Variants in KCNH1 observed in about 807,000 individuals in gnomAD.
KCNH1 encodes the protein potassium voltage-gated channel subfamily H member 1.
Under a neutral mutation model 69.2 loss-of-function variants are expected in KCNH1, and 27 were observed. That is an observed-to-expected ratio of 0.39 (90% CI 0.29 to 0.54). KCNH1 has a LOEUF of 0.54. KCNH1 is among the 20% of genes least tolerant of loss of function. The pLI is 0.68. For synonymous variants in KCNH1, 456 were observed against 487.7 expected (o/e 0.93, Z 0.86); for missense variants, 798 against 1,261.6 (o/e 0.63, Z 5.57).
chr1:211,112,207 T>C (rs1691482380), intron 1 of KCNH1, among the ~76,000 whole-genome samples: 1 of 148,926 alleles, frequency 6.7e-6, no homozygotes, highest in Admixed American at 6.6e-5. Flanking sequence ...CTCCGCCCCG[T>C]CTGGGAAGTG....
At position 211,013,712 on chromosome 1, in the gene KCNH1, G is replaced by A. The variant is rs375293329; in HGVS notation, c.1032+5071C>T. ...TAATACCTGCTCTCAAGCCACAGAA[G>A]GTTAGAGCTGGGATGGGCTCATCAC... On this transcript the variant is annotated intron_variant, in intron 6 of 10. Transcript: ENST00000271751. Among the ~76,000 whole-genome samples the A allele has an allele frequency of 4.6e-5, 7 of 152,302 alleles. No individual in the cohort carries two copies. In the East Asian group the frequency reaches 1.2e-3, roughly 25 times the overall value.
At chr1:210,917,185 A>G (rs1687351838) in intron 7 of KCNH1, among the ~76,000 whole-genome samples, 1 of 138,686 alleles carries the variant, frequency 7.2e-6, no homozygotes, top group African/African-American at 2.7e-5. Context: ...GAGAGAAATA[A>G]AGAGACAGAG....
rs766445117 is a variant in KCNH1 at position 210,684,114 on chromosome 1, C to T, written c.2137G>A (p.Val713Met). The change falls in exon 11 of 11, where the codon GTG (valine) becomes ATG (methionine). Residue 713 changes from valine to methionine, a missense_variant. Around this residue, in one of 4 missense-constraint regions of KCNH1, gnomAD observed 197 missense variants for 407.7 expected, o/e 0.48. Coordinates refer to ENST00000271751, the MANE Select transcript of KCNH1 (RefSeq NM_172362.3). Reference sequence around the variant, plus strand: ...ATGCGTTCTTCCTCTTCACGTTTCACATCGCTGATCTTCCGGAACACAATC... The same window carrying T: ...ATGCGTTCTTCCTCTTCACGTTTCATATCGCTGATCTTCCGGAACACAATC... ...KRIVFRKISD[V>M]KREEEERMKR... 46 of 1,511,444 alleles carry T rather than the reference C, an allele frequency of 3.0e-5. No homozygotes were observed. Among genetic ancestry groups the T allele is most frequent in the African/African-American group, 4.2e-5 (3 of 71,616 alleles). The allele number at this position is 1,511,444 out of a possible 1,614,324, so 93.6% of individuals were successfully genotyped here.
intron 10 of KCNH1, among the ~76,000 whole-genome samples, chr1:210,732,343 T>C (rs1433052680): frequency 6.6e-6 from 1 of 152,052 alleles, no homozygotes; most frequent in Non-Finnish European, 1.5e-5. Context: ...TAGAGGTACC[T>C]GGGAGATAGT....
At position 211,075,482 on chromosome 1, in the gene KCNH1, G is replaced by C. The variant is rs139025674; in HGVS notation, c.558+7298C>G. The stretch of plus-strand genomic sequence containing the variant: ...CCAAACGTGGATCAAGGACTGACCA[G>C]CCATCTACAGGCAATGGGACAGTTT... On this transcript the variant is annotated intron_variant, in intron 5 of 10. Coordinates refer to ENST00000271751, the MANE Select transcript of KCNH1 (RefSeq NM_172362.3). Among the ~76,000 whole-genome samples, 684 of 152,330 alleles carry C rather than the reference G, an allele frequency of 4.5e-3. 3 individuals carry two copies. The highest frequency in any genetic ancestry group is 4.9e-3 in the Non-Finnish European group (335 of 68,034).
chr1:210,782,871 C>T (rs1684015239), intron 9 of KCNH1, among the ~76,000 whole-genome samples: 1 of 152,202 alleles, frequency 6.6e-6, no homozygotes, highest in African/African-American at 2.4e-5. Flanking sequence ...TCTGCTGGCA[C>T]CTTGATCTTG....
At chr1:211,106,613 C>T (rs1691352404) in intron 2 of KCNH1, among the ~76,000 whole-genome samples, 1 of 140,322 alleles carries the variant, frequency 7.1e-6, no homozygotes, top group South Asian at 2.4e-4. Flanking sequence ...GTGAAACCCC[C>T]ATCTCTACTA....
At chr1:211,132,948 C>A (rs1691903209) in intron 1 of KCNH1, 1 of 152,158 alleles carries the variant, frequency 6.6e-6, no homozygotes. Flanking sequence ...TCTGTTAAGT[C>A]CGAAAGGCGT....
At chr1:210,740,427 A>G (rs1304113220) in intron 10 of KCNH1, among the ~76,000 whole-genome samples, 1 of 152,142 alleles carries the variant, frequency 6.6e-6, no homozygotes, top group East Asian at 1.9e-4. Flanking sequence ...TGAGGCTTCT[A>G]TATTCGGTTC....
At chr1:210,909,785 T>C (rs759591905) in intron 7 of KCNH1, among the ~76,000 whole-genome samples, 1 of 152,184 alleles carries the variant, frequency 6.6e-6, no homozygotes, top group Non-Finnish European at 1.5e-5. Flanking sequence ...CCTTTCTGAG[T>C]AGTATCAATT....
At chr1:210,850,395 C>T (rs1685673905) in intron 7 of KCNH1, among the ~76,000 whole-genome samples, 1 of 152,072 alleles carries the variant, frequency 6.6e-6, no homozygotes, top group Non-Finnish European at 1.5e-5. Flanking sequence ...CCTGTAGCTC[C>T]AGCTACTCGG....
intron 7 of KCNH1, among the ~76,000 whole-genome samples, chr1:210,891,013 C>G (rs1474653321): frequency 6.6e-6 from 1 of 152,146 alleles, no homozygotes; most frequent in Non-Finnish European, 1.5e-5. Context: ...CTAGAAATAC[C>G]ATTTGACCCA....
At chr1:210,885,098 C>G (rs963342863) in intron 7 of KCNH1, among the ~76,000 whole-genome samples, 1 of 152,202 alleles carries the variant, frequency 6.6e-6, no homozygotes, top group Non-Finnish European at 1.5e-5. Context: ...TAGAATCTGA[C>G]CATAAACCCG....
chr1:210,880,387 T>C (rs1318406558), intron 7 of KCNH1, among the ~76,000 whole-genome samples: 2 of 152,116 alleles, frequency 1.3e-5, no homozygotes, highest in Non-Finnish European at 1.5e-5. Context: ...GGTAAAAGAA[T>C]AAACAAATAA....
chr1:210,918,131 G>T (rs1687385334), intron 7 of KCNH1, among the ~76,000 whole-genome samples: 2 of 152,056 alleles, frequency 1.3e-5, no homozygotes, highest in South Asian at 2.1e-4. Context: ...TGAGACTGTT[G>T]CAAAAAAGGA....
At chr1:210,749,401 C>G (rs1414308335) in intron 10 of KCNH1, among the ~76,000 whole-genome samples, 1 of 152,182 alleles carries the variant, frequency 6.6e-6, no homozygotes, top group Non-Finnish European at 1.5e-5. Context: ...GGAAACCTAA[C>G]AGCAAAGAAC....
intron 6 of KCNH1, among the ~76,000 whole-genome samples, chr1:211,005,840 AC>A (rs1172586437): frequency 1.3e-5 from 2 of 152,088 alleles, no homozygotes; most frequent in East Asian, 3.8e-4. Flanking sequence ...AGCACATATA[AC>A]CCATAAAGGG....
At chr1:210,925,705 C>A (rs1687558308) in intron 6 of KCNH1, among the ~76,000 whole-genome samples, 1 of 152,216 alleles carries the variant, frequency 6.6e-6, no homozygotes, top group African/African-American at 2.4e-5. Flanking sequence ...CTCCCAACTC[C>A]CACAGCAACT....
intron 10 of KCNH1, among the ~76,000 whole-genome samples, chr1:210,721,674 G>C (rs1190060496): frequency 1.3e-5 from 2 of 152,084 alleles, no homozygotes; most frequent in Admixed American, 1.3e-4. Context: ...AGCGGGGAGG[G>C]ATAGCATTAG....
Sources: gnomAD v4.1 joint callset for allele counts (sites outside exome capture counted in the v4.1 genomes callset) on GRCh38, gnomAD v4.1.1 for gene constraint, gnomAD v4.1.1 regional missense constraint, MANE v1.5 for transcripts, NCBI Gene and HGNC (gene_info 2026-07-23, HGNC 2026-07-21) for gene names.